The following FBXL7 variants were observed in gnomAD, a reference collection of about 807,000 sequenced individuals.
FBXL7 encodes F-box and leucine rich repeat protein 7.
In FBXL7, 12 loss-of-function variants were observed where a neutral mutation model predicts 38.3. The ratio of observed to expected loss-of-function variants is 0.31; its 90% CI spans 0.20 to 0.51. FBXL7 has a LOEUF of 0.51. FBXL7 is among the 20% of genes least tolerant of loss of function. The probability of loss-of-function intolerance (pLI) is 0.98; values close to 1 mark genes in which losing one functional copy is unlikely to be tolerated. For missense variants in FBXL7, 567 were observed against 676.4 expected (o/e 0.84, Z 1.79); for synonymous variants, 297 against 300.9 (o/e 0.99, Z 0.13).
intron 1 of FBXL7, among the ~76,000 whole-genome samples, chr5:15,603,853 G>A (rs1308135101): frequency 6.6e-6 from 1 of 152,140 alleles, no homozygotes; most frequent in African/African-American, 2.4e-5. Context: ...GAGGACGTGT[G>A]GGGCCAGGTG....
At chr5:15,507,083 C>G (rs1736668168) in intron 1 of FBXL7, among the ~76,000 whole-genome samples, 1 of 151,492 alleles carries the variant, frequency 6.6e-6, no homozygotes, top group Non-Finnish European at 1.5e-5. Flanking sequence ...CCAGGGCGTG[C>G]TCTTCAAACG....
intron 1 of FBXL7, among the ~76,000 whole-genome samples, chr5:15,521,518 T>C (rs1737096036): frequency 6.6e-6 from 1 of 152,248 alleles, no homozygotes; most frequent in East Asian, 1.9e-4. Flanking sequence ...CTGCATTGTC[T>C]AGTCTAGCCC....
intron 2 of FBXL7, among the ~76,000 whole-genome samples, chr5:15,925,425 C>G (rs1209147091): frequency 6.6e-6 from 1 of 152,154 alleles, no homozygotes; most frequent in Non-Finnish European, 1.5e-5. Flanking sequence ...CGTGGATGCA[C>G]ATAAGCCATT....
chr5:15,767,260 A>T (rs1410856718), intron 2 of FBXL7, among the ~76,000 whole-genome samples: 2 of 111,000 alleles, frequency 1.8e-5, no homozygotes, highest in East Asian at 2.4e-4. Context: ...AATATGTGAT[A>T]AAAAAAAAAA....
intron 1 of FBXL7, among the ~76,000 whole-genome samples, chr5:15,578,100 A>G (rs1484653077): frequency 2.0e-5 from 3 of 152,166 alleles, no homozygotes; most frequent in Admixed American, 2.0e-4. Context: ...CAGTTCGTCC[A>G]CAGAAATATA....
intron 2 of FBXL7, among the ~76,000 whole-genome samples, chr5:15,917,610 A>G (rs1741618769): frequency 1.3e-5 from 2 of 150,688 alleles, no homozygotes; most frequent in Admixed American, 1.3e-4. Flanking sequence ...CCTGTCTCAA[A>G]AATAAAGTAA....
intron 2 of FBXL7, among the ~76,000 whole-genome samples, chr5:15,805,057 C>T (rs1486468915): frequency 6.6e-6 from 1 of 152,202 alleles, no homozygotes; most frequent in Non-Finnish European, 1.5e-5. Flanking sequence ...CTTCACCTCA[C>T]CTGCTCTCTG....
At chr5:15,755,698 T>G (rs1736279832) in intron 2 of FBXL7, among the ~76,000 whole-genome samples, 1 of 152,194 alleles carries the variant, frequency 6.6e-6, no homozygotes, top group South Asian at 2.1e-4. Context: ...TCCATCAAGG[T>G]GAACACTTTT....
intron 2 of FBXL7, among the ~76,000 whole-genome samples, chr5:15,816,157 CTA>C (rs1349300165): frequency 2.0e-5 from 3 of 151,866 alleles, no homozygotes; most frequent in Middle Eastern, 3.2e-3. Context: ...ACACCTGCAC[CTA>C]TATGTTTATC....
rs556260463 is a variant in FBXL7 at position 15,524,877 on chromosome 5, G to A, written c.37+24164G>A. Among the ~76,000 whole-genome samples, 35 of 152,054 alleles carry A rather than the reference G, an allele frequency of 2.3e-4. 1 individual carries two copies. In the South Asian group the frequency reaches 6.2e-3, roughly 27 times the overall value. On this transcript the variant is annotated intron_variant, in intron 1 of 3. Coordinates refer to ENST00000504595, the MANE Select transcript of FBXL7 (RefSeq NM_012304.5). ...AAGGAACAAGGAGTGGCCTCTGGCC[G>A]GTGGAAAGAGAAGATACTTGGCTGA...
At chr5:15,709,249 C>G (rs541617234) in intron 2 of FBXL7, among the ~76,000 whole-genome samples, 2 of 152,190 alleles carry the variant, frequency 1.3e-5, no homozygotes, top group Admixed American at 1.3e-4. Context: ...AAATGCAAAT[C>G]CTGACAGCGT....
chr5:15,667,622 C>G (rs551700077), intron 2 of FBXL7, among the ~76,000 whole-genome samples: 1 of 152,218 alleles, frequency 6.6e-6, no homozygotes. Flanking sequence ...TTTTGGCAGG[C>G]CCAGCAGTAT....
At chr5:15,625,580 G>A (rs987887514) in intron 2 of FBXL7, among the ~76,000 whole-genome samples, 25 of 152,116 alleles carry the variant, frequency 1.6e-4, no homozygotes, top group African/African-American at 6.0e-4. Flanking sequence ...CTTGAACCTA[G>A]GAGGCAGAGG....
In FBXL7 at chr5:15,722,221, G is replaced by GT. The variant is rs753876983; in HGVS notation, c.127+106155dup. On this transcript the variant is annotated intron_variant, in intron 2 of 3. Coordinates refer to ENST00000504595, the MANE Select transcript of FBXL7 (RefSeq NM_012304.5). ...ATATACTGTAAACTTATTGATACCA[G>GT]TTTTTTACTATTATAAAAATAGCAA... Among the ~76,000 whole-genome samples the GT allele has an allele frequency of 2.2e-4, 34 of 152,198 alleles. No individual in the cohort carries two copies. In the East Asian group the frequency reaches 2.5e-3, roughly 11 times the overall value.
chr5:15,689,237 C>T (rs1743108533), intron 2 of FBXL7, among the ~76,000 whole-genome samples: 1 of 150,326 alleles, frequency 6.7e-6, no homozygotes, highest in Admixed American at 6.6e-5. Flanking sequence ...TATTATTCAC[C>T]TCTTGCTGCT....
intron 2 of FBXL7, among the ~76,000 whole-genome samples, chr5:15,807,299 C>G (rs1737739659): frequency 6.6e-6 from 1 of 152,168 alleles, no homozygotes; most frequent in Non-Finnish European, 1.5e-5. Flanking sequence ...GTGACCCTTT[C>G]TACATGGTGA....
At chr5:15,749,334 T>G (rs1261457590) in intron 2 of FBXL7, among the ~76,000 whole-genome samples, 1 of 150,982 alleles carries the variant, frequency 6.6e-6, no homozygotes, top group Non-Finnish European at 1.5e-5. Context: ...TTGTTATAAG[T>G]GTGTATCCTC....
intron 2 of FBXL7, among the ~76,000 whole-genome samples, chr5:15,850,308 A>G (rs1432927801): frequency 6.6e-6 from 1 of 152,230 alleles, no homozygotes; most frequent in Non-Finnish European, 1.5e-5. Flanking sequence ...GCTGAAAAGT[A>G]GTAATTTTGT....
intron 2 of FBXL7, among the ~76,000 whole-genome samples, chr5:15,763,148 C>T (rs929034958): frequency 6.6e-6 from 1 of 152,126 alleles, no homozygotes; most frequent in Admixed American, 6.6e-5. Flanking sequence ...ATGTATAGTG[C>T]TTAAGAGCAT....
Sources: allele counts gnomAD v4.1 joint callset (sites outside exome capture counted in the v4.1 genomes callset), GRCh38; gene constraint gnomAD v4.1.1; transcripts MANE v1.5; gene names NCBI Gene and HGNC (gene_info 2026-07-23, HGNC 2026-07-21).